The following SERGEF variants were observed in gnomAD, a reference collection of about 807,000 sequenced individuals.
SERGEF encodes secretion regulating guanine nucleotide exchange factor.
SERGEF carries 51 observed loss-of-function variants against 50.0 expected under a neutral mutation model. The observed-to-expected ratio is 1.02, with a 90% CI of 0.81 to 1.29. The LOEUF (loss-of-function observed/expected upper bound fraction) is 1.29, where lower values mean the gene tolerates loss of function less well. Among genes scored for constraint, SERGEF ranks in the 50% most tolerant of loss-of-function variants. The pLI, the probability that SERGEF is intolerant of heterozygous loss-of-function variation, is 0.00. For synonymous variants in SERGEF, 205 were observed against 212.4 expected (o/e 0.97, Z 0.30); for missense variants, 521 against 557.0 (o/e 0.94, Z 0.65).
intron 10 of SERGEF, among the ~76,000 whole-genome samples, chr11:17,807,422 G>C (rs1849781752): frequency 6.6e-6 from 1 of 152,208 alleles, no homozygotes; most frequent in South Asian, 2.1e-4. Context: ...CCAAGGTTCA[G>C]CTCCTATAAA....
chr11:17,830,557 A>T (rs1416611994), intron 10 of SERGEF, among the ~76,000 whole-genome samples: 3 of 148,456 alleles, frequency 2.0e-5, no homozygotes, highest in Non-Finnish European at 4.5e-5. Flanking sequence ...AGAGAGGGAG[A>T]GAGAGAGGAA....
At chr11:17,831,320 C>T (rs1465437335) in intron 10 of SERGEF, among the ~76,000 whole-genome samples, 4 of 152,194 alleles carry the variant, frequency 2.6e-5, no homozygotes, top group Non-Finnish European at 5.9e-5. Flanking sequence ...CACTCTCCTT[C>T]AGGCTGGGTG....
chr11:17,998,839 A>C (rs1299769402), intron 5 of SERGEF, among the ~76,000 whole-genome samples: 2 of 151,428 alleles, frequency 1.3e-5, no homozygotes, highest in Non-Finnish European at 2.9e-5. Flanking sequence ...AGGAAAAAAA[A>C]AAAAACTCAC....
At chr11:17,843,074 G>T (rs1368528167) in intron 10 of SERGEF, among the ~76,000 whole-genome samples, 1 of 152,122 alleles carries the variant, frequency 6.6e-6, no homozygotes, top group African/African-American at 2.4e-5. Flanking sequence ...ATCTCCTGTA[G>T]CTCACAGAAA....
At chr11:18,009,384 C>T (rs2134016083) in intron 1 of SERGEF, among the ~76,000 whole-genome samples, 1 of 152,246 alleles carries the variant, frequency 6.6e-6, no homozygotes, top group South Asian at 2.1e-4. Flanking sequence ...GGAGACAGCA[C>T]AGGGGTTCCT....
At chr11:17,907,019 C>T (rs1851859226) in intron 9 of SERGEF, among the ~76,000 whole-genome samples, 1 of 152,020 alleles carries the variant, frequency 6.6e-6, no homozygotes, top group South Asian at 2.1e-4. Flanking sequence ...AGTCTGCAGG[C>T]CCTTCTTCTC....
At chr11:17,823,846 C>T (rs1850129720) in intron 10 of SERGEF, among the ~76,000 whole-genome samples, 1 of 152,226 alleles carries the variant, frequency 6.6e-6, no homozygotes, top group Non-Finnish European at 1.5e-5. Flanking sequence ...CCATTCTCCT[C>T]TTCTTTCCTG....
At chr11:18,008,139 C>A in intron 1 of SERGEF, 63 bp from the exon 2 acceptor site, 1 of 1,483,398 alleles carries the variant, frequency 6.7e-7, no homozygotes, top group Non-Finnish European at 9.3e-7. Flanking sequence ...GTCTATTTAC[C>A]TGTCTCTGTC....
intron 10 of SERGEF, among the ~76,000 whole-genome samples, chr11:17,827,812 A>G (rs1362323765): frequency 6.6e-6 from 1 of 152,204 alleles, no homozygotes; most frequent in Non-Finnish European, 1.5e-5. Context: ...ACTCCTAGAC[A>G]CTGAATCTGT....
At chr11:17,880,389 A>C (rs78415454) in intron 9 of SERGEF, among the ~76,000 whole-genome samples, 4,149 of 152,312 alleles carry the variant, frequency 0.027, 227 homozygotes, top group East Asian at 0.2. Flanking sequence ...TCAGATGTCG[A>C]ACAATTGGGA....
intron 10 of SERGEF, among the ~76,000 whole-genome samples, chr11:17,830,713 AG>A (rs1850292595): frequency 6.6e-6 from 1 of 150,726 alleles, no homozygotes; most frequent in African/African-American, 2.4e-5. Flanking sequence ...AGAGTAAGTC[AG>A]GATGAACCGA....
At chr11:17,942,003 C>A (rs1475604317) in intron 9 of SERGEF, among the ~76,000 whole-genome samples, 1 of 143,806 alleles carries the variant, frequency 7.0e-6, no homozygotes. Flanking sequence ...GTTGCTGAGA[C>A]CTTGTAGATT....
chr11:17,849,478 AC>A (rs1305467554), intron 10 of SERGEF, among the ~76,000 whole-genome samples: 1 of 151,532 alleles, frequency 6.6e-6, no homozygotes, highest in Non-Finnish European at 1.5e-5. Flanking sequence ...GGATAAAACA[AC>A]CCCCCCAACC....
chr11:17,936,046 T>A lies in SERGEF; in HGVS notation c.1011+23424A>T, dbSNP rs560455592. 1.2e-4 allele frequency among the ~76,000 whole-genome samples: 19 copies of A among 152,316 alleles called. No homozygotes were observed. In the South Asian group the frequency reaches 3.9e-3, roughly 32 times the overall value. ...CAATTCAGAAAAGGAAATAATCTAA[T>A]GGTAAATCTGCCTGAAATTTCCCAG... is the stretch of plus-strand genomic sequence containing the variant. On this transcript the variant is annotated intron_variant, in intron 9 of 10. Coordinates refer to ENST00000265965, the MANE Select transcript of SERGEF (RefSeq NM_012139.4).
chr11:17,992,783 T>C, intron 7 of SERGEF, 148 bp downstream of exon 7: 1 of 643,794 alleles, frequency 1.6e-6, no homozygotes, highest in Non-Finnish European at 2.7e-6. Flanking sequence ...AAAGGAAAAG[T>C]AATTTGCCTA....
intron 10 of SERGEF, among the ~76,000 whole-genome samples, chr11:17,820,441 G>A (rs1400729957): frequency 6.6e-6 from 1 of 152,190 alleles, no homozygotes; most frequent in African/African-American, 2.4e-5. Context: ...AGTGTGCCAT[G>A]GGAGGAAGAG....
chr11:17,912,732 G>A (rs1851978245), intron 9 of SERGEF, among the ~76,000 whole-genome samples: 1 of 152,202 alleles, frequency 6.6e-6, no homozygotes, highest in South Asian at 2.1e-4. Context: ...TTATGAGGGA[G>A]CCAAAGCATT....
intron 8 of SERGEF, among the ~76,000 whole-genome samples, chr11:17,962,952 T>C (rs1018430393): frequency 3.3e-5 from 5 of 151,742 alleles, no homozygotes; most frequent in Non-Finnish European, 7.4e-5. Flanking sequence ...GAGGCCAAGG[T>C]GGGAGGATCA....
At chr11:17,976,506 T>C (rs1853379339) in intron 8 of SERGEF, among the ~76,000 whole-genome samples, 1 of 144,244 alleles carries the variant, frequency 6.9e-6, no homozygotes, top group Non-Finnish European at 1.5e-5. Context: ...TTCACCATAT[T>C]GGCCAGGCTG....
Sources: allele counts gnomAD v4.1 joint callset (sites outside exome capture counted in the v4.1 genomes callset), GRCh38; gene constraint gnomAD v4.1.1; transcripts MANE v1.5; gene names NCBI Gene and HGNC (gene_info 2026-07-23, HGNC 2026-07-21).